Variants in CNTN5 observed in about 807,000 individuals in gnomAD.
CNTN5 encodes the protein contactin-5.
In CNTN5, 77 loss-of-function variants were observed where a neutral mutation model predicts 129.1. The ratio of observed to expected loss-of-function variants is 0.60; its 90% CI spans 0.50 to 0.72. The LOEUF is 0.72. Among genes scored for constraint, CNTN5 ranks in the 30% least tolerant of loss-of-function variants. The probability of loss-of-function intolerance (pLI) is 0.00; values close to 1 mark genes in which losing one functional copy is unlikely to be tolerated. For synonymous variants in CNTN5, 509 were observed against 465.6 expected, an observed-to-expected ratio of 1.09 and a Z score of -1.20; for missense variants, 1,478 against 1,328.8, an observed-to-expected ratio of 1.11 and a Z score of -1.75.
intron 1 of CNTN5, among the ~76,000 whole-genome samples, chr11:99,200,927 A>G (rs1455789650): frequency 6.6e-6 from 1 of 151,512 alleles, no homozygotes; most frequent in Non-Finnish European, 1.5e-5. Context: ...CAAAATGACT[A>G]TTCAAATGCA....
In CNTN5 at chr11:99,402,357, T is replaced by C. The variant is rs555950923; in HGVS notation, c.-71+76873T>C. On this transcript the variant is annotated intron_variant, in intron 2 of 24. Transcript: ENST00000524871. ...TGGTTTTTGTCCTACATTCTGTTGA[T>C]CTGATGTATTACATTGATTAATTTG... 3.3e-5 allele frequency among the ~76,000 whole-genome samples: 5 copies of C among 152,292 alleles called. No individual in the cohort carries two copies. The South Asian group carries it at 6.2e-4, about 19-fold the overall frequency.
At chr11:100,254,325 G>A (rs894415054) in intron 16 of CNTN5, among the ~76,000 whole-genome samples, 3 of 152,104 alleles carry the variant, frequency 2.0e-5, no homozygotes, top group Non-Finnish European at 4.4e-5. Flanking sequence ...CTTGTAGACA[G>A]TATTATATTC....
At chr11:99,392,301 G>A (rs1443447702) in intron 2 of CNTN5, among the ~76,000 whole-genome samples, 1 of 151,688 alleles carries the variant, frequency 6.6e-6, no homozygotes, top group Non-Finnish European at 1.5e-5. Context: ...TGTTGTTACT[G>A]TGCTGAATGG....
chr11:99,864,587 T>C (rs1423563253), intron 6 of CNTN5, among the ~76,000 whole-genome samples: 1 of 152,130 alleles, frequency 6.6e-6, no homozygotes, highest in Non-Finnish European at 1.5e-5. Flanking sequence ...ATTCCTTGGA[T>C]CTTCCTATGT....
intron 3 of CNTN5, among the ~76,000 whole-genome samples, chr11:99,598,772 G>A (rs1291468687): frequency 2.0e-5 from 3 of 151,724 alleles, no homozygotes; most frequent in Admixed American, 6.6e-5. Context: ...ATAAACTTTT[G>A]CTAATATTAC....
chr11:100,140,444 G>A (rs1946659548), intron 13 of CNTN5, among the ~76,000 whole-genome samples: 1 of 152,166 alleles, frequency 6.6e-6, no homozygotes, highest in Admixed American at 6.5e-5. Context: ...ATAAATAGAT[G>A]GCAAAGGACA....
intron 3 of CNTN5, among the ~76,000 whole-genome samples, chr11:99,768,742 T>C (rs1427589384): frequency 6.6e-6 from 1 of 152,114 alleles, no homozygotes; most frequent in Non-Finnish European, 1.5e-5. Context: ...CTATAATTGG[T>C]GACACTAAGT....
intron 6 of CNTN5, among the ~76,000 whole-genome samples, chr11:99,880,650 A>AT: frequency 6.6e-6 from 1 of 152,168 alleles, no homozygotes; most frequent in East Asian, 1.9e-4. Context: ...AGACACCAAC[A>AT]TTTTCTGTAA....
intron 2 of CNTN5, among the ~76,000 whole-genome samples, chr11:99,368,366 G>T (rs1939590968): frequency 6.6e-6 from 1 of 151,938 alleles, no homozygotes; most frequent in South Asian, 2.1e-4. Context: ...TGGAGTCCCG[G>T]TGTGGTGGTG....
At chr11:99,116,603 T>G (rs1339714598) in intron 1 of CNTN5, among the ~76,000 whole-genome samples, 2 of 152,196 alleles carry the variant, frequency 1.3e-5, no homozygotes, top group African/African-American at 4.8e-5. Flanking sequence ...GAGAGATGGA[T>G]GTTTTGAAAA....
At chr11:100,295,541 C>T (rs1951083886) in intron 18 of CNTN5, among the ~76,000 whole-genome samples, 1 of 151,238 alleles carries the variant, frequency 6.6e-6, no homozygotes, top group South Asian at 2.1e-4. Flanking sequence ...TGAAACAATA[C>T]TACCAAAGCT....
At chr11:99,707,861 CCT>C (rs1414736355) in intron 3 of CNTN5, among the ~76,000 whole-genome samples, 4 of 151,366 alleles carry the variant, frequency 2.6e-5, no homozygotes, top group African/African-American at 4.8e-5. Flanking sequence ...TAAATGTCCC[CCT>C]TTTTGTCCAA....
intron 1 of CNTN5, among the ~76,000 whole-genome samples, chr11:99,268,147 G>A (rs1056445767): frequency 4.6e-5 from 7 of 151,968 alleles, no homozygotes; most frequent in African/African-American, 1.7e-4. Context: ...TCTCAACCAA[G>A]AGCTATTTTG....
intron 1 of CNTN5, among the ~76,000 whole-genome samples, chr11:99,181,813 T>C (rs1257954321): frequency 6.6e-6 from 1 of 152,196 alleles, no homozygotes; most frequent in Admixed American, 6.5e-5. Context: ...TTGGTGGACC[T>C]GAATTCTCCG....
rs116681286 is a variant in CNTN5 at position 99,431,446 on chromosome 11, G to T, written c.-71+105962G>T. Reference sequence around the variant, plus strand: ...GAAAACTCACTTTTTTAATGGAAATGAGTAAAATTCTAGAAAAGGAATTGT... The same window carrying T: ...GAAAACTCACTTTTTTAATGGAAATTAGTAAAATTCTAGAAAAGGAATTGT... On this transcript the variant is annotated intron_variant, in intron 2 of 24. Transcript: ENST00000524871. Among the ~76,000 whole-genome samples, 74 of 152,208 alleles carry T rather than the reference G, an allele frequency of 4.9e-4. 1 individual carries two copies. The highest frequency in any genetic ancestry group is 1.7e-3 in the African/African-American group (72 of 41,542).
intron 9 of CNTN5, among the ~76,000 whole-genome samples, chr11:100,036,600 G>T (rs1239777442): frequency 2.0e-5 from 3 of 148,768 alleles, no homozygotes; most frequent in Non-Finnish European, 3.0e-5. Flanking sequence ...CTACCCATGA[G>T]CAAGGAATGT....
chr11:99,418,441 T>A, intron 2 of CNTN5, among the ~76,000 whole-genome samples: 1 of 152,100 alleles, frequency 6.6e-6, no homozygotes, highest in East Asian at 1.9e-4. Context: ...AAGAAGAGGG[T>A]GTTAAAAGCG....
chr11:99,580,238 T>A (rs2135609833), intron 3 of CNTN5, among the ~76,000 whole-genome samples: 1 of 152,300 alleles, frequency 6.6e-6, no homozygotes, highest in East Asian at 1.9e-4. Flanking sequence ...TTGCCAGTAT[T>A]TTAGTGAGGA....
At chr11:99,742,078 G>A (rs1372528010) in intron 3 of CNTN5, among the ~76,000 whole-genome samples, 1 of 152,126 alleles carries the variant, frequency 6.6e-6, no homozygotes, top group Non-Finnish European at 1.5e-5. Flanking sequence ...TTATGTGCAA[G>A]CAACAACATA....
Sources: gnomAD v4.1 joint callset for allele counts (sites outside exome capture counted in the v4.1 genomes callset) on GRCh38, gnomAD v4.1.1 for gene constraint, MANE v1.5 for transcripts, NCBI Gene and HGNC (gene_info 2026-07-23, HGNC 2026-07-21) for gene names.